Variants in FLRT2 observed in about 807,000 individuals in gnomAD.
The protein encoded by FLRT2 is leucine-rich repeat transmembrane protein FLRT2.
FLRT2 carries 15 observed loss-of-function variants against 40.0 expected under a neutral mutation model. That is an observed-to-expected ratio of 0.38 (90% CI 0.25 to 0.58). The LOEUF is 0.58. Among genes scored for constraint, FLRT2 ranks in the 20% least tolerant of loss-of-function variants. The pLI, the probability that FLRT2 is intolerant of heterozygous loss-of-function variation, is 0.71. For synonymous variants in FLRT2, 380 were observed against 336.8 expected, an observed-to-expected ratio of 1.13 and a Z score of -1.41; for missense variants, 726 against 840.0, an observed-to-expected ratio of 0.86 and a Z score of 1.68.
chr14:85,555,012 A>G (rs932569993), intron 1 of FLRT2, among the ~76,000 whole-genome samples: 1 of 152,188 alleles, frequency 6.6e-6, no homozygotes, highest in Non-Finnish European at 1.5e-5. Context: ...CATCACTTTG[A>G]TAGTATAACT....
At chr14:85,597,300 A>G (rs1227945626) in intron 1 of FLRT2, among the ~76,000 whole-genome samples, 1 of 152,228 alleles carries the variant, frequency 6.6e-6, no homozygotes, top group Non-Finnish European at 1.5e-5. Flanking sequence ...ACAATACTCC[A>G]TACATATTCT....
In FLRT2 at chr14:85,592,110, C is replaced by T. The variant is rs763047496; in HGVS notation, c.-376-29029C>T. Among the ~76,000 whole-genome samples the T allele has an allele frequency of 4.0e-5, 6 of 151,500 alleles. No individual in the cohort carries two copies. In the South Asian group the frequency reaches 1.3e-3, roughly 32 times the overall value. ...TGATTTTACCCTGCCTGCAGTGGGTCGTTAAAACAGATGTGACAGGAAGAA... is the reference window on the plus strand; with the variant it reads ...TGATTTTACCCTGCCTGCAGTGGGTTGTTAAAACAGATGTGACAGGAAGAA... On this transcript the variant is annotated intron_variant, in intron 1 of 1. Coordinates refer to ENST00000330753, the MANE Select transcript of FLRT2 (RefSeq NM_013231.6).
At chr14:85,553,366 G>T (rs183402385) in intron 1 of FLRT2, among the ~76,000 whole-genome samples, 1 of 152,208 alleles carries the variant, frequency 6.6e-6, no homozygotes, top group East Asian at 1.9e-4. Flanking sequence ...ATGCTGCTGG[G>T]ACCATCTAAG....
chr14:85,570,433 A>G (rs1890834399), intron 1 of FLRT2, among the ~76,000 whole-genome samples: 1 of 152,130 alleles, frequency 6.6e-6, no homozygotes, highest in African/African-American at 2.4e-5. Context: ...ATCAATTATT[A>G]TTTTTTAAAA....
intron 1 of FLRT2, chr14:85,552,895 GTC>G: frequency 6.6e-6 from 1 of 152,176 alleles, no homozygotes; most frequent in South Asian, 2.1e-4. Flanking sequence ...CCACTGTGTT[GTC>G]TCTGAAAAAT....
chr14:85,560,137 A>G (rs1421163649), intron 1 of FLRT2, among the ~76,000 whole-genome samples: 1 of 152,142 alleles, frequency 6.6e-6, no homozygotes, highest in East Asian at 1.9e-4. Context: ...TTTGGTTCTT[A>G]CATGTCTCCA....
rs1425090481 is a variant in FLRT2 at position 85,635,255 on chromosome 14, A to G, written c.*11758A>G. The G allele has an allele frequency of 2.0e-5, 3 of 152,098 alleles. No individual in the cohort carries two copies. The highest frequency in any genetic ancestry group is 7.2e-5 in the African/African-American group (3 of 41,442). The allele number at this position is 152,098 out of a possible 1,614,324, so 9.4% of individuals were successfully genotyped here. On this transcript the variant is annotated 3_prime_UTR_variant, in exon 2 of 2. Coordinates refer to ENST00000330753, the MANE Select transcript of FLRT2 (RefSeq NM_013231.6). ...CTCATATATGAAATGAGGTACTAAT[A>G]CTTTTAAGGATTTGATGAGATAATT...
chr14:85,598,946 C>G (rs1161408044), intron 1 of FLRT2, among the ~76,000 whole-genome samples: 5 of 119,154 alleles, frequency 4.2e-5, no homozygotes, highest in Non-Finnish European at 6.4e-5. Context: ...GAGACGGAGT[C>G]TCGCTCTGTC....
chr14:85,547,128 A>G (rs1180347386), intron 1 of FLRT2, among the ~76,000 whole-genome samples: 3 of 151,886 alleles, frequency 2.0e-5, no homozygotes, highest in Admixed American at 6.6e-5. Flanking sequence ...ATTACTCTCC[A>G]TTGTTTAGAG....
intron 1 of FLRT2, among the ~76,000 whole-genome samples, chr14:85,609,173 C>A (rs1340598934): frequency 6.6e-6 from 1 of 152,138 alleles, no homozygotes; most frequent in Non-Finnish European, 1.5e-5. Context: ...GGAGGACAGA[C>A]CCAGTGGAGA....
intron 1 of FLRT2, among the ~76,000 whole-genome samples, chr14:85,592,045 CT>C (rs771614374): frequency 4.6e-5 from 7 of 152,134 alleles, no homozygotes; most frequent in Non-Finnish European, 7.3e-5. Flanking sequence ...TACAAATTGA[CT>C]TTAAAAGTGT....
Position 85,649,483 on chromosome 14 carries a change from C to T in FLRT2, c.*25986C>T, listed in dbSNP as rs1209765803. ...ATTGTTCAGTGTTTTGTCAGATGAACTCCTTAACCACATTTGTTATCAGTA... is the reference window on the plus strand; with the variant it reads ...ATTGTTCAGTGTTTTGTCAGATGAATTCCTTAACCACATTTGTTATCAGTA... On this transcript the variant is annotated 3_prime_UTR_variant, in exon 2 of 2. Coordinates refer to ENST00000330753, the MANE Select transcript of FLRT2 (RefSeq NM_013231.6). The T allele has an allele frequency of 6.6e-6, 1 of 152,082 alleles. No individual in the cohort carries two copies. Among genetic ancestry groups the T allele is most frequent in the Non-Finnish European group, 1.5e-5 (1 of 67,990 alleles). 9.4% of individuals were successfully genotyped at this position (152,082 alleles called of 1,614,324 possible).
At chr14:85,610,118 T>C (rs1457750171) in intron 1 of FLRT2, among the ~76,000 whole-genome samples, 2 of 152,148 alleles carry the variant, frequency 1.3e-5, no homozygotes, top group Admixed American at 6.5e-5. Context: ...TTACCCAGCA[T>C]GGGTTCCTCA....
chr14:85,591,914 A>C (rs1211471678), intron 1 of FLRT2, among the ~76,000 whole-genome samples: 1 of 152,204 alleles, frequency 6.6e-6, no homozygotes, highest in Non-Finnish European at 1.5e-5. Flanking sequence ...GTGGAGAATA[A>C]AGAGGCATTA....
intron 1 of FLRT2, among the ~76,000 whole-genome samples, chr14:85,547,908 G>A (rs1480959789): frequency 6.6e-6 from 1 of 152,216 alleles, no homozygotes; most frequent in Non-Finnish European, 1.5e-5. Flanking sequence ...TCAGATCATA[G>A]GTAGATGAGA....
intron 1 of FLRT2, among the ~76,000 whole-genome samples, chr14:85,560,408 C>G (rs1432762404): frequency 6.6e-6 from 1 of 151,928 alleles, no homozygotes; most frequent in African/African-American, 2.4e-5. Flanking sequence ...AACCCCGTCT[C>G]TACTAAAAAT....
chr14:85,609,689 T>A (rs1892776185), intron 1 of FLRT2, among the ~76,000 whole-genome samples: 1 of 152,254 alleles, frequency 6.6e-6, no homozygotes, highest in Non-Finnish European at 1.5e-5. Context: ...CTGCACGCCT[T>A]AAATGGGGCC....
chr14:85,579,138 T>C (rs145269688), intron 1 of FLRT2, among the ~76,000 whole-genome samples: 93 of 152,254 alleles, frequency 6.1e-4, no homozygotes, highest in Middle Eastern at 3.4e-3. Flanking sequence ...TTGTTTCTCC[T>C]TCCCCCGGGA....
rs139277288 is a variant in FLRT2, at chr14:85,592,847, T to G, written c.-376-28292T>G. ...CCTGGAACCGCATGAATTCTGTACCTGTTCATACAGGATACCATGCAGAGT... is the reference window on the plus strand; with the variant it reads ...CCTGGAACCGCATGAATTCTGTACCGGTTCATACAGGATACCATGCAGAGT... On this transcript the variant is annotated intron_variant, in intron 1 of 1. Transcript: ENST00000330753. Among the ~76,000 whole-genome samples, 182 of 151,436 alleles carry G rather than the reference T, an allele frequency of 1.2e-3. 1 individual carries two copies. Among genetic ancestry groups the G allele is most frequent in the African/African-American group, 3.6e-3 (150 of 41,298 alleles).
Sources: gnomAD v4.1 joint callset for allele counts (sites outside exome capture counted in the v4.1 genomes callset) on GRCh38, gnomAD v4.1.1 for gene constraint, MANE v1.5 for transcripts, NCBI Gene and HGNC (gene_info 2026-07-23, HGNC 2026-07-21) for gene names.